The following CDH13 variants were observed in gnomAD, a reference collection of about 807,000 sequenced individuals.
CDH13 encodes the protein cadherin 13.
In CDH13, 24 loss-of-function variants were observed where a neutral mutation model predicts 63.8. The ratio of observed to expected loss-of-function variants is 0.38; its 90% CI spans 0.27 to 0.53. The LOEUF (loss-of-function observed/expected upper bound fraction) is 0.53, where lower values mean the gene tolerates loss of function less well. Ranked by LOEUF, CDH13 falls within the 20% of genes least tolerant of loss-of-function variation. The pLI, the probability that CDH13 is intolerant of heterozygous loss-of-function variation, is 0.85. For missense variants in CDH13, 1,049 were observed against 903.1 expected, an observed-to-expected ratio of 1.16 and a Z score of -2.07; for synonymous variants, 503 against 355.3, an observed-to-expected ratio of 1.42 and a Z score of -4.67.
At position 82,806,601 on chromosome 16, in the gene CDH13, C is replaced by T. The variant is rs1056573750; in HGVS notation, c.46-51761C>T. Among the ~76,000 whole-genome samples the T allele has an allele frequency of 3.3e-5, 5 of 152,064 alleles. 1 individual carries two copies. Among genetic ancestry groups the T allele is most frequent in the Admixed American group, 1.3e-4 (2 of 15,262 alleles). On this transcript the variant is annotated intron_variant, in intron 1 of 13. Transcript: ENST00000567109. ...GTTAAGGAAAGGTCTTATTTAATTC[C>T]TGCCCAAACTTTCAGACTGCCTGAT...
At chr16:83,561,629 T>C (rs1183848561) in intron 7 of CDH13, among the ~76,000 whole-genome samples, 2 of 152,208 alleles carry the variant, frequency 1.3e-5, no homozygotes, top group African/African-American at 4.8e-5. Flanking sequence ...ATGTATTTTC[T>C]ACAATGATCT....
intron 10 of CDH13, among the ~76,000 whole-genome samples, chr16:83,727,603 G>T (rs778735517): frequency 6.6e-6 from 1 of 152,004 alleles, no homozygotes; most frequent in Non-Finnish European, 1.5e-5. Context: ...TTTACTAAAT[G>T]AAATATCAAC....
intron 6 of CDH13, among the ~76,000 whole-genome samples, chr16:83,372,107 C>A (rs2091377800): frequency 6.6e-6 from 1 of 152,180 alleles, no homozygotes; most frequent in South Asian, 2.1e-4. Flanking sequence ...CATCATGGGC[C>A]ACCACTGTAC....
chr16:83,484,119 G>C (rs2073834120), intron 6 of CDH13, among the ~76,000 whole-genome samples: 1 of 152,184 alleles, frequency 6.6e-6, no homozygotes, highest in Non-Finnish European at 1.5e-5. Flanking sequence ...CTTGAGGGTG[G>C]CCAGATCTTC....
intron 10 of CDH13, among the ~76,000 whole-genome samples, chr16:83,713,351 T>C (rs1908354617): frequency 6.6e-6 from 1 of 152,156 alleles, no homozygotes; most frequent in Admixed American, 6.5e-5. Context: ...ATTTTTCCAA[T>C]GAGGTTCTTT....
Position 82,637,428 on chromosome 16 carries a change from C to CTTTTTTTTTTTTTTTT in CDH13, c.45+10296_45+10311dup, listed in dbSNP as rs573088098. On this transcript the variant is annotated intron_variant, in intron 1 of 13. Coordinates refer to ENST00000567109, the MANE Select transcript of CDH13 (RefSeq NM_001257.5). ...GCTGAGGTCTGTACAGTTACTGTGC[C>CTTTTTTTTTTTTTTTT]TTTTTTTTTTTTTTTTTTTTGAGAC... is the stretch of plus-strand genomic sequence containing the variant. Among the ~76,000 whole-genome samples the CTTTTTTTTTTTTTTTT allele has an allele frequency of 7.2e-4, 59 of 81,652 alleles. 11 individuals are homozygous for CTTTTTTTTTTTTTTTT. The highest frequency in any genetic ancestry group is 1.8e-3 in the East Asian group (5 of 2,838). 53.6% of individuals were successfully genotyped at this position (81,652 alleles called of 152,430 possible). A position where few individuals can be genotyped will look rare whatever the true frequency, so the allele number is the denominator to read the frequency against.
intron 3 of CDH13, among the ~76,000 whole-genome samples, chr16:83,120,878 C>G (rs376402742): frequency 6.6e-6 from 1 of 150,406 alleles, no homozygotes; most frequent in African/African-American, 2.5e-5. Context: ...ATTCTCCTGC[C>G]TCATCCTCCC....
intron 2 of CDH13, among the ~76,000 whole-genome samples, chr16:82,860,983 G>A (rs993594901): frequency 5.3e-5 from 8 of 152,084 alleles, no homozygotes; most frequent in African/African-American, 1.9e-4. Flanking sequence ...AAAACCTTCT[G>A]TCTCTGAAAA....
chr16:83,503,678 G>A (rs1458165059), intron 7 of CDH13, among the ~76,000 whole-genome samples: 1 of 152,110 alleles, frequency 6.6e-6, no homozygotes, highest in African/African-American at 2.4e-5. Context: ...ATGTTTTTTG[G>A]CCACAGAAGT....
chr16:83,035,963 A>G (rs989766857), intron 3 of CDH13, among the ~76,000 whole-genome samples: 11 of 152,118 alleles, frequency 7.2e-5, no homozygotes, highest in African/African-American at 2.7e-4. Context: ...CAAGTCTTTC[A>G]TCCTCACAAC....
chr16:83,392,349 T>G (rs559015083), intron 6 of CDH13, among the ~76,000 whole-genome samples: 11 of 152,342 alleles, frequency 7.2e-5, no homozygotes, highest in Middle Eastern at 6.8e-3. Context: ...TGCTGGCTAT[T>G]ATATATAACT....
At chr16:83,154,004 T>G (rs536746424) in intron 4 of CDH13, among the ~76,000 whole-genome samples, 1 of 152,256 alleles carries the variant, frequency 6.6e-6, no homozygotes, top group Admixed American at 6.5e-5. Flanking sequence ...CAAAAATACG[T>G]ATTCCTTCTT....
chr16:83,748,324 C>T, intron 11 of CDH13, 74 bp downstream of exon 11: 1 of 1,382,122 alleles, frequency 7.2e-7, no homozygotes, highest in Non-Finnish European at 9.9e-7. Context: ...TAAATTTCTT[C>T]TGATACACCC....
intron 1 of CDH13, among the ~76,000 whole-genome samples, chr16:82,847,852 T>A (rs2039327742): frequency 6.6e-6 from 1 of 151,990 alleles, no homozygotes; most frequent in African/African-American, 2.4e-5. Flanking sequence ...TTTTGGCTTT[T>A]TGCCCCATGC....
At chr16:82,920,694 C>G (rs1347635702) in intron 2 of CDH13, among the ~76,000 whole-genome samples, 2 of 152,194 alleles carry the variant, frequency 1.3e-5, no homozygotes, top group African/African-American at 4.8e-5. Flanking sequence ...TATATTCTCT[C>G]TCACACACTC....
intron 6 of CDH13, among the ~76,000 whole-genome samples, chr16:83,427,205 C>T (rs1407150555): frequency 3.9e-5 from 6 of 151,944 alleles, no homozygotes; most frequent in Non-Finnish European, 7.4e-5. Flanking sequence ...TGAGCCACCG[C>T]GCCCGGCCTA....
At chr16:83,756,171 A>T (rs1397609073) in intron 11 of CDH13, among the ~76,000 whole-genome samples, 1 of 152,210 alleles carries the variant, frequency 6.6e-6, no homozygotes, top group African/African-American at 2.4e-5. Context: ...CTAATCCAAA[A>T]TAAGAAAGGA....
intron 4 of CDH13, among the ~76,000 whole-genome samples, chr16:83,186,559 T>C (rs2038531952): frequency 6.6e-6 from 1 of 152,178 alleles, no homozygotes; most frequent in African/African-American, 2.4e-5. Context: ...TGTTTTTCTT[T>C]CTTTTTGTTA....
chr16:83,565,316 C>G (rs528954891), intron 7 of CDH13, among the ~76,000 whole-genome samples: 1 of 152,152 alleles, frequency 6.6e-6, no homozygotes, highest in Non-Finnish European at 1.5e-5. Flanking sequence ...AGGCACAGAC[C>G]ACTCTCCCCA....
Sources: gnomAD v4.1 joint callset for allele counts (sites outside exome capture counted in the v4.1 genomes callset) on GRCh38, gnomAD v4.1.1 for gene constraint, MANE v1.5 for transcripts, NCBI Gene and HGNC (gene_info 2026-07-23, HGNC 2026-07-21) for gene names.